The following PRPSAP1 variants were observed in gnomAD, a reference collection of about 807,000 sequenced individuals.
The protein encoded by PRPSAP1 is phosphoribosyl pyrophosphate synthetase associated protein 1.
A neutral mutation model predicts 39.4 loss-of-function variants in PRPSAP1; 31 were observed. The observed-to-expected ratio is 0.79, with a 90% confidence interval of 0.59 to 1.06. The LOEUF is 1.06. Among genes scored for constraint, PRPSAP1 ranks in the 50% least tolerant of loss-of-function variants. PRPSAP1 has a pLI of 0.00. For missense variants in PRPSAP1, 430 were observed against 511.6 expected (o/e 0.84, Z 1.54); for synonymous variants, 212 against 192.6 (o/e 1.10, Z -0.83).
At chr17:76,312,727 T>C (rs957219419) in intron 9 of PRPSAP1, 143 bp downstream of exon 9, 3 of 1,058,116 alleles carry the variant, frequency 2.8e-6, no homozygotes, top group Middle Eastern at 2.4e-4. Flanking sequence ...TTCCTAAACA[T>C]GTATCTGTCC....
chr17:76,340,918 CG>C (rs1329473445), intron 3 of PRPSAP1, among the ~76,000 whole-genome samples: 3 of 144,820 alleles, frequency 2.1e-5, no homozygotes, highest in Non-Finnish European at 3.0e-5. Context: ...AAAAAAAAAG[CG>C]GGGGGTAGGG....
At chr17:76,325,614 T>C (rs1238418606) in intron 7 of PRPSAP1, among the ~76,000 whole-genome samples, 1 of 145,388 alleles carries the variant, frequency 6.9e-6, no homozygotes, top group Non-Finnish European at 1.5e-5. Context: ...TTTTTTTTTT[T>C]TTGAGACAGA....
chr17:76,347,778 T>C (rs771059936), intron 2 of PRPSAP1, among the ~76,000 whole-genome samples: 1 of 152,020 alleles, frequency 6.6e-6, no homozygotes, highest in Non-Finnish European at 1.5e-5. Flanking sequence ...GGAAGGTGTC[T>C]AGCAAGCAGC....
chr17:76,328,774 G>A lies in PRPSAP1; in HGVS notation c.724C>T (p.Arg242Cys), dbSNP rs774132458. ...QCTELDMDDGRHSPPMVKNAT... is the reference protein window; with the variant it reads ...QCTELDMDDGCHSPPMVKNAT... ...TTTTTGACCATAGGCGGGGAGTGAC[G>A]ACCATCGTCCATGTCCAGTTCCGTG... The change falls in exon 7 of 10, where the codon CGT becomes TGT. Residue 242 changes from arginine to cysteine, a missense_variant. Arg to Cys is a radical substitution (Grantham distance 180). This residue lies in a region of PRPSAP1 where 278 missense variants were observed against 376.3 expected (regional missense o/e 0.74). Coordinates refer to ENST00000446526, the MANE Select transcript of PRPSAP1 (RefSeq NM_002766.3). 8.7e-6 allele frequency: 14 copies of A among 1,614,056 alleles called. No individual in the cohort carries two copies. Among genetic ancestry groups the A allele is most frequent in the South Asian group, 3.3e-5 (3 of 91,060 alleles).
chr17:76,351,877 C>T (rs1315621850), intron 1 of PRPSAP1, among the ~76,000 whole-genome samples: 2 of 152,138 alleles, frequency 1.3e-5, no homozygotes, highest in Non-Finnish European at 2.9e-5. Flanking sequence ...CCTCTGCTCT[C>T]CCTCAAGGTC....
intron 4 of PRPSAP1, 67 bp from the exon 5 acceptor site, chr17:76,330,733 C>G (rs1045230203): frequency 3.1e-6 from 3 of 966,820 alleles, no homozygotes; most frequent in Admixed American, 4.5e-5. Context: ...TGGACCTAAA[C>G]TAGATGCTCA....
intron 9 of PRPSAP1, among the ~76,000 whole-genome samples, chr17:76,312,309 C>T (rs1479737832): frequency 3.3e-5 from 5 of 151,946 alleles, no homozygotes; most frequent in East Asian, 1.9e-4. Flanking sequence ...TGGTGGCCGG[C>T]GCGTGTAATC....
At position 76,312,640 on chromosome 17, in the gene PRPSAP1, G is replaced by A. The variant is rs772994422; in HGVS notation, c.999+230C>T. Among the ~76,000 whole-genome samples the A allele has an allele frequency of 8.5e-5, 13 of 152,170 alleles. No individual in the cohort carries two copies. The East Asian group carries it at 9.6e-4, about 11-fold the overall frequency. On this transcript the variant is annotated intron_variant, in intron 9 of 9. Coordinates refer to ENST00000446526, the MANE Select transcript of PRPSAP1 (RefSeq NM_002766.3). ...TTTATCGAATACTATACATTACATC[G>A]TAATTGCAATGGTTTTGCATCATCA... is the stretch of plus-strand genomic sequence containing the variant.
intron 7 of PRPSAP1, among the ~76,000 whole-genome samples, chr17:76,328,504 G>A (rs2071277971): frequency 6.6e-6 from 1 of 152,046 alleles, no homozygotes; most frequent in Admixed American, 6.6e-5. Context: ...TGCCACTCAC[G>A]AGGCTGAGGC....
chr17:76,329,929 T>C (rs1051962855), intron 6 of PRPSAP1, 114 bp downstream of exon 6: 10 of 921,266 alleles, frequency 1.1e-5, no homozygotes, highest in Non-Finnish European at 1.7e-5. Flanking sequence ...GGGGTTAACA[T>C]GAGAGCCAGT....
intron 7 of PRPSAP1, among the ~76,000 whole-genome samples, chr17:76,319,680 G>A (rs528615663): frequency 7.3e-5 from 11 of 151,294 alleles, no homozygotes; most frequent in Non-Finnish European, 1.3e-4. Flanking sequence ...TGTTGGCCAG[G>A]CTGACCTCGT....
intron 1 of PRPSAP1, among the ~76,000 whole-genome samples, chr17:76,350,074 CAA>C (rs879647961): frequency 1.7e-5 from 2 of 119,886 alleles, no homozygotes; most frequent in Non-Finnish European, 1.8e-5. Flanking sequence ...GACTTTATCT[CAA>C]AAAAAAAAAA....
intron 3 of PRPSAP1, among the ~76,000 whole-genome samples, chr17:76,341,571 A>G (rs2071439341): frequency 6.6e-6 from 1 of 152,204 alleles, no homozygotes; most frequent in South Asian, 2.1e-4. Flanking sequence ...AACTCTTTAC[A>G]TGACAAATTC....
chr17:76,320,842 T>A (rs1233678161), intron 7 of PRPSAP1, among the ~76,000 whole-genome samples: 1 of 151,190 alleles, frequency 6.6e-6, no homozygotes, highest in East Asian at 1.9e-4. Context: ...AGTGCAGTGG[T>A]GCGATCTCGG....
intron 7 of PRPSAP1, among the ~76,000 whole-genome samples, chr17:76,322,250 G>A (rs943549604): frequency 2.0e-5 from 3 of 152,036 alleles, no homozygotes; most frequent in Non-Finnish European, 4.4e-5. Context: ...TACTAAATTA[G>A]CCAGGCGTGG....
At chr17:76,340,492 A>T (rs887317525) in intron 3 of PRPSAP1, among the ~76,000 whole-genome samples, 9 of 143,660 alleles carry the variant, frequency 6.3e-5, no homozygotes, top group Non-Finnish European at 1.2e-4. Flanking sequence ...TATATTGAGC[A>T]CTCTTGGTTA....
intron 7 of PRPSAP1, among the ~76,000 whole-genome samples, chr17:76,320,451 G>A (rs1292501333): frequency 8.4e-6 from 1 of 118,550 alleles, no homozygotes; most frequent in African/African-American, 3.1e-5. Context: ...TTGAGATGGA[G>A]TCTCCCTTTG....
intron 6 of PRPSAP1, 128 bp downstream of exon 6, chr17:76,329,915 T>C (rs2071302780): frequency 5.1e-6 from 4 of 781,478 alleles, no homozygotes; most frequent in South Asian, 4.7e-5. Flanking sequence ...ATGACAACGA[T>C]GGAGGGGTTA....
At chr17:76,339,675 T>A (rs918762240) in intron 3 of PRPSAP1, among the ~76,000 whole-genome samples, 2 of 151,408 alleles carry the variant, frequency 1.3e-5, no homozygotes, top group African/African-American at 4.9e-5. Flanking sequence ...CAGGAGAGGG[T>A]TCTGGTTTTC....
Sources: allele counts gnomAD v4.1 joint callset (sites outside exome capture counted in the v4.1 genomes callset), GRCh38; gene constraint gnomAD v4.1.1; regional missense constraint gnomAD v4.1.1; transcripts MANE v1.5; gene names NCBI Gene and HGNC (gene_info 2026-07-23, HGNC 2026-07-21).